The following NLRP1 variants were observed in gnomAD, a reference collection of about 807,000 sequenced individuals.
The protein encoded by NLRP1 is NACHT, LRR and PYD domains-containing protein 1.
NLRP1 carries 94 observed loss-of-function variants against 136.7 expected under a neutral mutation model. That is an observed-to-expected ratio of 0.69 (90% CI 0.58 to 0.82). The LOEUF is 0.82. NLRP1 is among the 40% of genes least tolerant of loss of function. The probability of loss-of-function intolerance (pLI) is 0.00; values close to 1 mark genes in which losing one functional copy is unlikely to be tolerated. For synonymous variants in NLRP1, 690 were observed against 725.1 expected (o/e 0.95, Z 0.78); for missense variants, 1,575 against 1,802.7 (o/e 0.87, Z 2.29).
intron 14 of NLRP1, among the ~76,000 whole-genome samples, chr17:5,519,783 T>G (rs929777701): frequency 4.7e-5 from 7 of 150,424 alleles, no homozygotes; most frequent in Non-Finnish European, 8.9e-5. Context: ...CTGCTTTCAC[T>G]CTTGCCTGCT....
intron 16 of NLRP1, 78 bp from the exon 17 acceptor site, chr17:5,515,151 C>G: frequency 7.7e-7 from 1 of 1,304,860 alleles, no homozygotes; most frequent in Non-Finnish European, 1.1e-6. Context: ...TCTCTCATCT[C>G]TGCATCCCTC....
intron 4 of NLRP1, among the ~76,000 whole-genome samples, chr17:5,554,096 G>GGAT (rs35413282): frequency 0.066 from 9,977 of 152,130 alleles, 414 homozygotes; most frequent in African/African-American, 0.11. Context: ...GATGGCCTGA[G>GGAT]GATGTTGTGA....
intron 4 of NLRP1, among the ~76,000 whole-genome samples, chr17:5,557,323 T>C (rs1171508160): frequency 4.0e-5 from 6 of 151,290 alleles, no homozygotes; most frequent in East Asian, 2.0e-4. Flanking sequence ...TTTTTTTTTT[T>C]CCTATAATGA....
At chr17:5,527,270 A>G (rs1909673589) in intron 12 of NLRP1, among the ~76,000 whole-genome samples, 1 of 152,262 alleles carries the variant, frequency 6.6e-6, no homozygotes, top group Admixed American at 6.5e-5. Context: ...AATTCGCAAG[A>G]AAGTCTCATA....
chr17:5,552,105 TTTTTTTTTTTA>T (rs1488580409), intron 5 of NLRP1, among the ~76,000 whole-genome samples: 7,695 of 109,430 alleles, frequency 0.07, 292 homozygotes, highest in African/African-American at 0.099. Context: ...TTTTTTTTTT[TTTTTTTTTTTA>T]AATAGAAGTA....
intron 12 of NLRP1, among the ~76,000 whole-genome samples, chr17:5,529,366 A>C (rs12940860): frequency 0.057 from 8,387 of 146,762 alleles, 282 homozygotes; most frequent in Middle Eastern, 0.11. Context: ...TTGATTGTTT[A>C]TTCTTTTTTT....
chr17:5,570,481 C>T (rs1182665113), intron 3 of NLRP1, among the ~76,000 whole-genome samples: 1 of 151,916 alleles, frequency 6.6e-6, no homozygotes, highest in Non-Finnish European at 1.5e-5. Flanking sequence ...CTATTACGAA[C>T]ACCTCTATAT....
At chr17:5,566,621 A>C (rs778085854) in intron 3 of NLRP1, among the ~76,000 whole-genome samples, 3 of 152,172 alleles carry the variant, frequency 2.0e-5, no homozygotes, top group Non-Finnish European at 4.4e-5. Flanking sequence ...GCTGAGGAAA[A>C]GAATGTGTAT....
chr17:5,525,023 G>A (rs576624525), intron 12 of NLRP1, among the ~76,000 whole-genome samples: 3 of 152,328 alleles, frequency 2.0e-5, no homozygotes, highest in South Asian at 4.1e-4. Flanking sequence ...GGAGAGAGAA[G>A]GGAAGCAATG....
At chr17:5,502,255 C>A (rs1567622665) in intron 15 of NLRP1, 1 of 216,556 alleles carries the variant, frequency 4.6e-6, no homozygotes, top group Non-Finnish European at 9.5e-6. Context: ...ATGGAACCCT[C>A]ATCCGTGATG....
chr17:5,543,151 T>G (rs1912098381), intron 5 of NLRP1, among the ~76,000 whole-genome samples: 1 of 152,032 alleles, frequency 6.6e-6, no homozygotes, highest in South Asian at 2.1e-4. Flanking sequence ...ACTAGTCATA[T>G]CCCAGTGCCC....
chr17:5,529,392 G>A (rs1396213913), intron 12 of NLRP1, among the ~76,000 whole-genome samples: 1 of 146,384 alleles, frequency 6.8e-6, no homozygotes, highest in Non-Finnish European at 1.5e-5. Context: ...TTTTGAGACA[G>A]AGTCTCGCTC....
chr17:5,566,418 C>T (rs1214229363), intron 3 of NLRP1, among the ~76,000 whole-genome samples: 2 of 151,936 alleles, frequency 1.3e-5, no homozygotes, highest in Non-Finnish European at 2.9e-5. Context: ...TCTTCATTGA[C>T]CCACTGGTCA....
Position 5,541,850 on chromosome 17 carries a change from C to T in NLRP1, c.2699+7G>A, listed in dbSNP as rs933946962. 6.2e-7 allele frequency: 1 copy of T among 1,613,772 alleles called. No homozygotes were observed. The highest frequency in any genetic ancestry group is 1.6e-4 in the Middle Eastern group (1 of 6,062). On this transcript the variant is annotated splice_region_variant and intron_variant, in intron 6 of 16. Transcript: ENST00000572272. The surrounding 1 kb of genome is among the most constrained non-coding windows in gnomAD (Gnocchi z 4.2). ...TCCACCTCCCCCTGCCCACCAAGAA[C>T]AATTACTGCAGTCGCTGTAGCTTGC...
intron 11 of NLRP1, among the ~76,000 whole-genome samples, chr17:5,532,560 G>C (rs1910443552): frequency 1.3e-5 from 2 of 152,224 alleles, no homozygotes; most frequent in African/African-American, 2.4e-5. Flanking sequence ...CTGAAGCTGG[G>C]TGATGGGTAC....
chr17:5,528,391 G>A (rs1291247357), intron 12 of NLRP1, among the ~76,000 whole-genome samples: 1 of 152,120 alleles, frequency 6.6e-6, no homozygotes, highest in Non-Finnish European at 1.5e-5. Context: ...GAGCTGTCTT[G>A]CACCTCTTCC....
chr17:5,571,976 T>C (rs1012153529), intron 3 of NLRP1, among the ~76,000 whole-genome samples: 3 of 152,074 alleles, frequency 2.0e-5, no homozygotes, highest in Non-Finnish European at 4.4e-5. Flanking sequence ...TTTGATAATG[T>C]TGACAAAAAC....
rs149973177 is a variant in NLRP1 at position 5,532,904 on chromosome 17, G to C, written c.3214C>G (p.Pro1072Ala). 1.2e-5 allele frequency: 20 copies of C among 1,613,868 alleles called. No individual in the cohort carries two copies. Among genetic ancestry groups the C allele is most frequent in the African/African-American group, 6.7e-5 (5 of 74,926 alleles). ...CAGAAGTCATCGTCAGTCCCCAAAG[G>C]CTTCGTATGCAGGTCCCCTTGAGAG... is the stretch of plus-strand genomic sequence containing the variant. ...PASQGDLHTK[P>A]LGTDDDFWGP... Residue 1072 changes from proline (P) to alanine (A), a missense_variant, in exon 11 of 17, where the codon CCT becomes GCT. Pro to Ala is a conservative substitution (Grantham distance 27, BLOSUM62 -1). Transcript: ENST00000572272.
intron 5 of NLRP1, among the ~76,000 whole-genome samples, chr17:5,547,358 A>G (rs1300350308): frequency 6.6e-6 from 1 of 152,234 alleles, no homozygotes; most frequent in Non-Finnish European, 1.5e-5. Flanking sequence ...TGGTGAATCC[A>G]TGTTATTAAT....
Sources: gnomAD v4.1 joint callset for allele counts (sites outside exome capture counted in the v4.1 genomes callset) on GRCh38, gnomAD v4.1.1 for gene constraint, Gnocchi (gnomAD v3.1) non-coding constraint, MANE v1.5 for transcripts, NCBI Gene and HGNC (gene_info 2026-07-23, HGNC 2026-07-21) for gene names.